ADK: variants seen among roughly 807,000 people sequenced by gnomAD.
The protein encoded by ADK is N6,N6-dimethyladenosine kinase.
In ADK, 24 loss-of-function variants were observed where a neutral mutation model predicts 44.7. That is an observed-to-expected ratio of 0.54 (90% CI 0.39 to 0.76). ADK has a LOEUF of 0.76. Ranked by LOEUF, ADK falls within the 30% of genes least tolerant of loss-of-function variation. The pLI is 0.00. For synonymous variants in ADK, 128 were observed against 142.6 expected, an observed-to-expected ratio of 0.90 and a Z score of 0.73; for missense variants, 321 against 425.1, an observed-to-expected ratio of 0.76 and a Z score of 2.15.
intron 6 of ADK, among the ~76,000 whole-genome samples, chr10:74,407,930 T>G (rs990305756): frequency 1.3e-5 from 2 of 152,060 alleles, no homozygotes; most frequent in African/African-American, 4.8e-5. Flanking sequence ...AATCTCTAGG[T>G]TGATTTTGGT....
At chr10:74,446,578 TATA>T (rs1359542815) in intron 6 of ADK, among the ~76,000 whole-genome samples, 3 of 152,302 alleles carry the variant, frequency 2.0e-5, no homozygotes, top group African/African-American at 4.8e-5. Context: ...AGTATTGTGA[TATA>T]AGACTAATTT....
chr10:74,517,454 T>C (rs1848631876), intron 6 of ADK, among the ~76,000 whole-genome samples: 1 of 152,018 alleles, frequency 6.6e-6, no homozygotes, highest in Non-Finnish European at 1.5e-5. Flanking sequence ...TTTAGGAGGC[T>C]GAGGGAGGCG....
chr10:74,434,338 C>T (rs1845110351), intron 6 of ADK, among the ~76,000 whole-genome samples: 2 of 152,118 alleles, frequency 1.3e-5, no homozygotes, highest in Admixed American at 1.3e-4. Context: ...ACTATTTGAT[C>T]TTAGTCTGTA....
At chr10:74,469,733 T>C (rs1223221141) in intron 6 of ADK, among the ~76,000 whole-genome samples, 2 of 152,230 alleles carry the variant, frequency 1.3e-5, no homozygotes, top group Non-Finnish European at 2.9e-5. Flanking sequence ...AATAGATTTC[T>C]TGTACAAACA....
chr10:74,478,810 G>A (rs1451430659), intron 6 of ADK, among the ~76,000 whole-genome samples: 2 of 152,116 alleles, frequency 1.3e-5, no homozygotes, highest in African/African-American at 4.8e-5. Flanking sequence ...TCATGATTCT[G>A]CCCCATTCTC....
At chr10:74,575,776 G>A (rs773997394) in intron 7 of ADK, among the ~76,000 whole-genome samples, 15 of 152,114 alleles carry the variant, frequency 9.9e-5, no homozygotes, top group Non-Finnish European at 1.8e-4. Flanking sequence ...GCTAATTAGA[G>A]TTGATATTTA....
At chr10:74,526,548 T>G (rs1849049555) in intron 7 of ADK, among the ~76,000 whole-genome samples, 1 of 152,202 alleles carries the variant, frequency 6.6e-6, no homozygotes, top group Admixed American at 6.5e-5. Flanking sequence ...TTTGAATATA[T>G]TCATCAATTT....
At chr10:74,528,462 AC>A (rs1273721884) in intron 7 of ADK, among the ~76,000 whole-genome samples, 1 of 151,428 alleles carries the variant, frequency 6.6e-6, no homozygotes, top group Non-Finnish European at 1.5e-5. Context: ...AACAATCTTC[AC>A]TTAAAAAAAA....
chr10:74,247,958 C>T (rs1009896422), intron 3 of ADK, among the ~76,000 whole-genome samples: 10 of 152,120 alleles, frequency 6.6e-5, no homozygotes, highest in African/African-American at 2.2e-4. Flanking sequence ...ATAATAATTA[C>T]ACATATGCTG....
chr10:74,573,313 C>G (rs917252253), intron 7 of ADK, among the ~76,000 whole-genome samples: 1 of 152,182 alleles, frequency 6.6e-6, no homozygotes, highest in Non-Finnish European at 1.5e-5. Context: ...GGCTGCAGAA[C>G]AGCAGATTTT....
intron 9 of ADK, among the ~76,000 whole-genome samples, chr10:74,656,746 C>T (rs1854501930): frequency 6.6e-6 from 1 of 152,178 alleles, no homozygotes; most frequent in South Asian, 2.1e-4. Flanking sequence ...ACTCCTTGCA[C>T]AAGGCCAGAA....
intron 7 of ADK, among the ~76,000 whole-genome samples, chr10:74,565,748 A>C (rs957334333): frequency 6.6e-6 from 1 of 151,536 alleles, no homozygotes; most frequent in Non-Finnish European, 1.5e-5. Context: ...AAAAAAAAAA[A>C]ACCATGAACC....
intron 9 of ADK, among the ~76,000 whole-genome samples, chr10:74,619,099 T>C (rs1852885733): frequency 6.6e-6 from 1 of 151,188 alleles, no homozygotes; most frequent in Admixed American, 6.6e-5. Context: ...CTGTATATTT[T>C]GCACTGACCT....
chr10:74,206,604 A>G (rs1210507248), intron 2 of ADK, among the ~76,000 whole-genome samples: 1 of 152,142 alleles, frequency 6.6e-6, no homozygotes, highest in African/African-American at 2.4e-5. Context: ...GAATGACCCA[A>G]TTTATATGAT....
chr10:74,334,016 TATA>T (rs1291224778), intron 4 of ADK, among the ~76,000 whole-genome samples: 3 of 152,148 alleles, frequency 2.0e-5, no homozygotes, highest in African/African-American at 7.2e-5. Context: ...AAAATTAAGT[TATA>T]ATTTATATAC....
intron 4 of ADK, among the ~76,000 whole-genome samples, chr10:74,358,186 G>A (rs1026088239): frequency 3.3e-5 from 5 of 151,956 alleles, no homozygotes; most frequent in African/African-American, 4.8e-5. Flanking sequence ...CTTTATACTC[G>A]TTATGAAATT....
At chr10:74,282,802 GA>G (rs1193042681) in intron 3 of ADK, among the ~76,000 whole-genome samples, 7 of 152,252 alleles carry the variant, frequency 4.6e-5, no homozygotes, top group African/African-American at 1.7e-4. Flanking sequence ...ATTATGAAAT[GA>G]GCATTGTTTA....
chr10:74,455,012 T>G (rs1845894284), intron 6 of ADK, among the ~76,000 whole-genome samples: 1 of 152,198 alleles, frequency 6.6e-6, no homozygotes, highest in Non-Finnish European at 1.5e-5. Context: ...CCTTCCTGCT[T>G]CTGCCATTTT....
intron 9 of ADK, among the ~76,000 whole-genome samples, chr10:74,637,470 C>T (rs1486096467): frequency 6.6e-6 from 1 of 152,088 alleles, no homozygotes; most frequent in Non-Finnish European, 1.5e-5. Flanking sequence ...CAAGTTAATT[C>T]CTCTTTCATG....
Sources: allele counts gnomAD v4.1 joint callset (sites outside exome capture counted in the v4.1 genomes callset), GRCh38; gene constraint gnomAD v4.1.1; transcripts MANE v1.5; gene names NCBI Gene and HGNC (gene_info 2026-07-23, HGNC 2026-07-21).